Variants in TNS1 observed in about 807,000 individuals in gnomAD.
TNS1 encodes the protein tensin-1.
TNS1 carries 62 observed loss-of-function variants against 168.6 expected under a neutral mutation model. That is an observed-to-expected ratio of 0.37 (90% confidence interval 0.30 to 0.45). The LOEUF (loss-of-function observed/expected upper bound fraction) is 0.45. Among genes scored for constraint, TNS1 ranks in the 20% least tolerant of loss-of-function variants. TNS1 has a pLI of 1.00. For missense variants in TNS1, 2,240 were observed against 2,339.4 expected (o/e 0.96, Z 0.88); for synonymous variants, 934 against 933.2 (o/e 1.00, Z -0.02).
chr2:217,809,623 G>GGATA (rs1940425381), intron 30 of TNS1, 200 bp downstream of exon 30: 1 of 538,420 alleles, frequency 1.9e-6, no homozygotes, highest in African/African-American at 1.9e-5. Context: ...GTGCATGGAT[G>GGATA]GGTGCATGGA....
At chr2:217,950,676 G>T (rs1013630036) in intron 3 of TNS1, among the ~76,000 whole-genome samples, 2 of 150,392 alleles carry the variant, frequency 1.3e-5, no homozygotes, top group East Asian at 3.9e-4. Context: ...AGGCATCCTC[G>T]CCCAAAGCCC....
At chr2:217,854,732 C>A (rs1006952780) in intron 18 of TNS1, among the ~76,000 whole-genome samples, 1 of 152,194 alleles carries the variant, frequency 6.6e-6, no homozygotes, top group Non-Finnish European at 1.5e-5. Flanking sequence ...CTTATCCACA[C>A]ACTCTGCCCC....
chr2:217,875,610 CCTT>C (rs1305884271), intron 18 of TNS1, among the ~76,000 whole-genome samples: 2 of 152,132 alleles, frequency 1.3e-5, no homozygotes, highest in African/African-American at 2.4e-5. Context: ...ATTTCTTTCT[CCTT>C]CTTGGTCTCT....
chr2:217,853,414 TGGGCTA>T (rs968641045), intron 18 of TNS1, among the ~76,000 whole-genome samples: 23 of 152,182 alleles, frequency 1.5e-4, no homozygotes, highest in African/African-American at 5.1e-4. Flanking sequence ...CAATGGGGCA[TGGGCTA>T]GAGGGAGGGG....
intron 23 of TNS1, among the ~76,000 whole-genome samples, chr2:217,820,281 C>G (rs1046996735): frequency 6.6e-6 from 1 of 152,190 alleles, no homozygotes; most frequent in Non-Finnish European, 1.5e-5. Context: ...TGCCAGGGCT[C>G]ACTGAACATC....
chr2:217,808,507 G>GCACACA (rs112279658), intron 31 of TNS1, 96 bp downstream of exon 31: 22 of 1,020,610 alleles, frequency 2.2e-5, no homozygotes, highest in African/African-American at 1.8e-4. Flanking sequence ...GTATGCACAT[G>GCACACA]CACACACACA....
chr2:217,928,941 C>G (rs1486363489), intron 3 of TNS1, among the ~76,000 whole-genome samples: 1 of 152,232 alleles, frequency 6.6e-6, no homozygotes, highest in African/African-American at 2.4e-5. Context: ...CACACCCACA[C>G]ACAGAGCAGC....
intron 2 of TNS1, among the ~76,000 whole-genome samples, chr2:217,983,992 A>G (rs1958125060): frequency 6.6e-6 from 1 of 152,212 alleles, no homozygotes; most frequent in South Asian, 2.1e-4. Flanking sequence ...ATGACCCTCC[A>G]TAATTTAGGT....
At chr2:217,964,892 C>A (rs1014804834) in intron 3 of TNS1, among the ~76,000 whole-genome samples, 1 of 152,236 alleles carries the variant, frequency 6.6e-6, no homozygotes, top group Admixed American at 6.5e-5. Flanking sequence ...CTAACGGCCC[C>A]CCGCTAACAT....
intron 3 of TNS1, among the ~76,000 whole-genome samples, chr2:217,942,861 G>A (rs1197575511): frequency 3.9e-5 from 6 of 151,956 alleles, no homozygotes; most frequent in Admixed American, 3.9e-4. Context: ...AGGGAGCCCA[G>A]CCTGGGAGCA....
At chr2:218,011,226 TA>T (rs1958703246), upstream of TNS1, among the ~76,000 whole-genome samples, 1 of 152,026 alleles carries the variant, frequency 6.6e-6, no homozygotes, top group Non-Finnish European at 1.5e-5. Flanking sequence ...GAGGTCATCC[TA>T]TTAGGACCCT....
chr2:217,912,212 T>C (rs66515744), intron 4 of TNS1, among the ~76,000 whole-genome samples: 12,539 of 151,254 alleles, frequency 0.083, 1,381 homozygotes, highest in African/African-American at 0.26. Flanking sequence ...GCAAGGAGGG[T>C]GGGCTGGGAA....
chr2:217,854,366 C>T (rs1482931433), intron 18 of TNS1, among the ~76,000 whole-genome samples: 1 of 152,236 alleles, frequency 6.6e-6, no homozygotes, highest in African/African-American at 2.4e-5. Context: ...AGACCCTTCC[C>T]TGTCGGACCA....
chr2:217,907,787 C>G (rs1953889205), intron 4 of TNS1, among the ~76,000 whole-genome samples: 1 of 152,236 alleles, frequency 6.6e-6, no homozygotes, highest in South Asian at 2.1e-4. Flanking sequence ...GGCCACCCAC[C>G]ACTGGGCCTC....
chr2:217,943,888 G>C (rs1284638235), intron 3 of TNS1: 2 of 152,900 alleles, frequency 1.3e-5, no homozygotes, highest in Non-Finnish European at 2.9e-5. Context: ...GAGCCACTAA[G>C]TCAGGTGGGT....
chr2:217,840,078 T>G (rs552609233), intron 19 of TNS1, among the ~76,000 whole-genome samples: 1 of 152,310 alleles, frequency 6.6e-6, no homozygotes, highest in Non-Finnish European at 1.5e-5. Context: ...GGGAGCAGTC[T>G]GCTAGAGCCA....
At chr2:217,870,822 T>C (rs1298755302) in intron 18 of TNS1, among the ~76,000 whole-genome samples, 1 of 152,106 alleles carries the variant, frequency 6.6e-6, no homozygotes, top group African/African-American at 2.4e-5. Context: ...CAGCTAAGGG[T>C]CCGAGGGCAT....
intron 16 of TNS1, among the ~76,000 whole-genome samples, chr2:217,883,203 T>C (rs188098639): frequency 7.6e-4 from 116 of 152,344 alleles, no homozygotes; most frequent in Middle Eastern, 3.4e-3. Flanking sequence ...CTGATTAGAT[T>C]ATTGTTTTTA....
chr2:217,822,185 A>G (rs1942975658), intron 22 of TNS1, among the ~76,000 whole-genome samples: 1 of 152,152 alleles, frequency 6.6e-6, no homozygotes, highest in Non-Finnish European at 1.5e-5. Context: ...GAACATGGCC[A>G]TCAGAGACTC....
Sources: allele counts gnomAD v4.1 joint callset (sites outside exome capture counted in the v4.1 genomes callset), GRCh38; gene constraint gnomAD v4.1.1; transcripts MANE v1.5; gene names NCBI Gene and HGNC (gene_info 2026-07-23, HGNC 2026-07-21).